Variants in LRRC4C observed in about 807,000 individuals in gnomAD.
LRRC4C encodes the protein leucine rich repeat containing 4C.
Under a neutral mutation model 33.6 loss-of-function variants are expected in LRRC4C, and 5 were observed. The observed-to-expected ratio is 0.15, with a 90% CI of 0.08 to 0.31. LRRC4C has a LOEUF of 0.31. LRRC4C is among the 10% of genes least tolerant of loss of function. The probability of loss-of-function intolerance (pLI) is 1.00; values close to 1 mark genes in which losing one functional copy is unlikely to be tolerated. For missense variants in LRRC4C, 560 were observed against 796.7 expected (o/e 0.70, Z 3.58); for synonymous variants, 329 against 302.0 (o/e 1.09, Z -0.93).
At chr11:40,274,709 G>T (rs1199486913) in intron 4 of LRRC4C, among the ~76,000 whole-genome samples, 1 of 152,022 alleles carries the variant, frequency 6.6e-6, no homozygotes, top group East Asian at 1.9e-4. Flanking sequence ...TAGATAAAAA[G>T]AATACCAGAG....
intron 3 of LRRC4C, among the ~76,000 whole-genome samples, chr11:40,584,561 T>C (rs894760465): frequency 5.7e-4 from 87 of 151,972 alleles, no homozygotes; most frequent in Non-Finnish European, 1.2e-4. Context: ...GAAAAACAAT[T>C]TGTCATCGGA....
chr11:41,249,683 C>G (rs772634491), intron 1 of LRRC4C, among the ~76,000 whole-genome samples: 2 of 152,186 alleles, frequency 1.3e-5, no homozygotes, highest in Non-Finnish European at 2.9e-5. Context: ...CTTAGAAGCA[C>G]TTATCTATGT....
At chr11:41,422,971 A>G (rs16935700) in intron 1 of LRRC4C, among the ~76,000 whole-genome samples, 11,947 of 152,142 alleles carry the variant, frequency 0.079, 1,553 homozygotes, top group African/African-American at 0.27. Flanking sequence ...TTGGAAATAC[A>G]TTCATTTCTA....
chr11:41,027,291 T>A (rs2137765710), intron 1 of LRRC4C, among the ~76,000 whole-genome samples: 1 of 151,816 alleles, frequency 6.6e-6, no homozygotes. Flanking sequence ...CAAAGCAAGC[T>A]TGTATTAGTA....
chr11:41,410,676 G>A (rs868583061), intron 1 of LRRC4C, among the ~76,000 whole-genome samples: 38 of 152,000 alleles, frequency 2.5e-4, no homozygotes, highest in African/African-American at 8.5e-4. Context: ...TCCTGACCTC[G>A]TGATCCACCC....
chr11:40,817,884 T>C (rs1010569207), intron 2 of LRRC4C, among the ~76,000 whole-genome samples: 2 of 152,132 alleles, frequency 1.3e-5, no homozygotes, highest in African/African-American at 4.8e-5. Flanking sequence ...TGCTTTTCTA[T>C]CAGCATAACA....
At chr11:41,353,632 A>G (rs1183226916) in intron 1 of LRRC4C, among the ~76,000 whole-genome samples, 4 of 152,132 alleles carry the variant, frequency 2.6e-5, no homozygotes, top group Non-Finnish European at 4.4e-5. Flanking sequence ...ACAAAATACT[A>G]GCAAATGGAA....
At chr11:41,225,912 C>T (rs1169407651) in intron 1 of LRRC4C, among the ~76,000 whole-genome samples, 3 of 152,038 alleles carry the variant, frequency 2.0e-5, no homozygotes, top group East Asian at 3.9e-4. Flanking sequence ...CAGTCCATGC[C>T]ACTCACCTCA....
At chr11:41,309,434 T>G (rs1314007659) in intron 1 of LRRC4C, among the ~76,000 whole-genome samples, 2 of 152,134 alleles carry the variant, frequency 1.3e-5, no homozygotes, top group East Asian at 3.9e-4. Flanking sequence ...CCTGAGTACT[T>G]TCGGAATTAC....
intron 1 of LRRC4C, among the ~76,000 whole-genome samples, chr11:41,275,032 G>T (rs1949439569): frequency 6.6e-6 from 1 of 151,996 alleles, no homozygotes; most frequent in Non-Finnish European, 1.5e-5. Flanking sequence ...CACTTTCTGG[G>T]TTCATGTGAG....
intron 1 of LRRC4C, among the ~76,000 whole-genome samples, chr11:41,300,081 G>A (rs1269085673): frequency 6.6e-6 from 1 of 152,112 alleles, no homozygotes; most frequent in Non-Finnish European, 1.5e-5. Flanking sequence ...ACCATAAACA[G>A]AATTAGGTAA....
intron 1 of LRRC4C, among the ~76,000 whole-genome samples, chr11:41,324,018 C>T (rs1033835334): frequency 6.6e-6 from 1 of 152,128 alleles, no homozygotes; most frequent in African/African-American, 2.4e-5. Context: ...AAACTGTGAT[C>T]TGTGGACCAC....
chr11:41,408,060 C>T (rs1954309072), intron 1 of LRRC4C, among the ~76,000 whole-genome samples: 1 of 152,120 alleles, frequency 6.6e-6, no homozygotes, highest in African/African-American at 2.4e-5. Context: ...ATTTAATCCC[C>T]TAACCAGTAT....
At chr11:41,402,641 A>T (rs2138121570) in intron 1 of LRRC4C, among the ~76,000 whole-genome samples, 1 of 152,170 alleles carries the variant, frequency 6.6e-6, no homozygotes, top group Admixed American at 6.6e-5. Context: ...ACCAAAGAAG[A>T]GAAATCAGTA....
chr11:41,428,555 C>T (rs758241461), intron 1 of LRRC4C, among the ~76,000 whole-genome samples: 1 of 151,984 alleles, frequency 6.6e-6, no homozygotes, highest in Non-Finnish European at 1.5e-5. Flanking sequence ...GTTGTTAGAA[C>T]AAAAATTACC....
chr11:40,984,363 A>AAAGAAAG lies in LRRC4C; in HGVS notation c.-495-50641_-495-50640insCTTTCTT, dbSNP rs1852789378. Among the ~76,000 whole-genome samples, 6 of 120,296 alleles carry AAAGAAAG rather than the reference A, an allele frequency of 5.0e-5. No individual in the cohort carries two copies. The East Asian group carries it at 7.1e-4, about 14-fold the overall frequency. 78.9% of individuals were successfully genotyped at this position (120,296 alleles called of 152,430 possible). On this transcript the variant is annotated intron_variant, in intron 1 of 6. Coordinates refer to ENST00000528697, the MANE Select transcript of LRRC4C (RefSeq NM_001258419.2). ...GAAAGTAGGAAAGAGAAAGAAAGAA[A>AAAGAAAG]AAAGAAAGAAAGAAAGAAAGAAAGA...
At chr11:41,098,337 C>T (rs954537680) in intron 1 of LRRC4C, among the ~76,000 whole-genome samples, 6 of 152,072 alleles carry the variant, frequency 3.9e-5, no homozygotes, top group African/African-American at 1.4e-4. Flanking sequence ...TATCTCATAT[C>T]CCTCCAGTTT....
intron 3 of LRRC4C, among the ~76,000 whole-genome samples, chr11:40,624,347 T>G (rs1282246131): frequency 6.6e-6 from 1 of 152,084 alleles, no homozygotes; most frequent in African/African-American, 2.4e-5. Flanking sequence ...CATTACTAAT[T>G]CCACCTGAAT....
At chr11:40,744,382 C>A (rs1246766823) in intron 2 of LRRC4C, among the ~76,000 whole-genome samples, 2 of 152,198 alleles carry the variant, frequency 1.3e-5, no homozygotes, top group Admixed American at 6.5e-5. Flanking sequence ...ATATTTAAGG[C>A]AAGAACATTC....
Sources: gnomAD v4.1 joint callset for allele counts (sites outside exome capture counted in the v4.1 genomes callset) on GRCh38, gnomAD v4.1.1 for gene constraint, MANE v1.5 for transcripts, NCBI Gene and HGNC (gene_info 2026-07-23, HGNC 2026-07-21) for gene names.